Variants in COA8 observed in about 807,000 individuals in gnomAD.
COA8 encodes the protein UPF0671 protein C14orf153.
COA8 carries 20 observed loss-of-function variants against 22.0 expected under a neutral mutation model. The observed-to-expected ratio is 0.91, with a 90% CI of 0.64 to 1.32. The LOEUF is 1.32. Among genes scored for constraint, COA8 ranks in the 40% most tolerant of loss-of-function variants. COA8 has a pLI of 0.00. For synonymous variants in COA8, 105 were observed against 79.9 expected (o/e 1.31, Z -1.68); for missense variants, 266 against 230.0 (o/e 1.16, Z -1.01).
chr14:103,563,436 A>C (rs770297172), intron 1 of COA8: 4 of 500,106 alleles, frequency 8.0e-6, no homozygotes, highest in Admixed American at 3.1e-5. Flanking sequence ...ATTTTTAAAG[A>C]GCTCTTGGCT....
At position 103,581,734 on chromosome 14, in the gene COA8, A is replaced by G. The variant is rs1050264029; in HGVS notation, c.386-5540A>G. The G allele has an allele frequency of 1.3e-5, 5 of 397,692 alleles. No individual in the cohort carries two copies. The Admixed American group carries it at 2.2e-4, about 18-fold the overall frequency. The allele number at this position is 397,692 out of a possible 1,614,324, so 24.6% of individuals were successfully genotyped here. ...AAATGGCAGAACTGAAGGGAAAAGC[A>G]GAGCAGGGGGCTGTAGAGTTAAACT... On this transcript the variant is annotated intron_variant, in intron 3 of 4. Transcript: ENST00000409074. This position sits in a 1 kb window ranked among gnomAD's most constrained non-coding sequence, Gnocchi z 4.1.
intron 1 of COA8, among the ~76,000 whole-genome samples, chr14:103,569,601 C>T (rs1054147907): frequency 2.6e-5 from 4 of 152,144 alleles, no homozygotes; most frequent in African/African-American, 9.7e-5. Context: ...ACGGTTAGCG[C>T]GAAACCCACT....
At chr14:103,588,128 A>C (rs968340758) in intron 4 of COA8, 10 of 311,426 alleles carry the variant, frequency 3.2e-5, no homozygotes, top group Non-Finnish European at 4.1e-5. Context: ...AAAAAAAAAA[A>C]AAAAAAAAAA....
intron 4 of COA8, among the ~76,000 whole-genome samples, 200 bp from the exon 5 acceptor site, chr14:103,589,981 G>A (rs1033663144): frequency 1.3e-5 from 2 of 151,936 alleles, no homozygotes. Context: ...GACTCCAGGC[G>A]TCGCCAGTGG....
intron 3 of COA8, among the ~76,000 whole-genome samples, chr14:103,576,030 G>A (rs905172670): frequency 1.3e-5 from 2 of 151,900 alleles, no homozygotes; most frequent in Non-Finnish European, 2.9e-5. Context: ...AAGTCAGGCC[G>A]GGCGCGGTGG....
chr14:103,563,087 A>G lies in COA8; in HGVS notation c.86A>G (p.Glu29Gly). ...FACRGCQLAP[E>G]RGAERRDTAP... Reference sequence around the variant, plus strand: ...TGCCGCGGCTGTCAACTCGCTCCGGAGCGCGGCGCCGAGCGCAGGGATACG... The same window carrying G: ...TGCCGCGGCTGTCAACTCGCTCCGGGGCGCGGCGCCGAGCGCAGGGATACG... Residue 29 changes from glutamate (E) to glycine (G), a missense_variant, in exon 1 of 5, where the codon GAG (glutamate) becomes GGG (glycine). Coordinates refer to ENST00000409074, the MANE Select transcript of COA8 (RefSeq NM_001370595.2). 1.3e-6 allele frequency: 2 copies of G among 1,540,134 alleles called. No individual in the cohort carries two copies. The highest frequency in any genetic ancestry group is 1.7e-6 in the Non-Finnish European group (2 of 1,148,000).
intron 3 of COA8, among the ~76,000 whole-genome samples, chr14:103,583,396 C>T (rs896646192): frequency 2.6e-5 from 4 of 151,916 alleles, no homozygotes; most frequent in African/African-American, 9.7e-5. Context: ...AAAAAATTAG[C>T]TGGGTGTGGT....
chr14:103,589,267 G>A (rs187028953), intron 4 of COA8, among the ~76,000 whole-genome samples: 2 of 152,286 alleles, frequency 1.3e-5, no homozygotes, highest in East Asian at 1.9e-4. Context: ...ATGGGCTACC[G>A]GTTTTCTTCT....
chr14:103,575,255 A>G (rs2076222418), intron 3 of COA8, among the ~76,000 whole-genome samples: 1 of 152,236 alleles, frequency 6.6e-6, no homozygotes, highest in Non-Finnish European at 1.5e-5. Flanking sequence ...ATAGCTTGGA[A>G]GGGCTTTGGA....
chr14:103,588,116 C>CA (rs1221577064), intron 4 of COA8: 8,409 of 62,428 alleles, frequency 0.13, 170 homozygotes, highest in East Asian at 0.17. Context: ...AACTCCATCT[C>CA]AAAAAAAAAA....
chr14:103,583,944 G>A (rs1379660458), intron 3 of COA8, among the ~76,000 whole-genome samples: 1 of 152,200 alleles, frequency 6.6e-6, no homozygotes, highest in Non-Finnish European at 1.5e-5. Flanking sequence ...TACAACTCAG[G>A]GACAGCCAGA....
At chr14:103,587,176 T>C (rs1176448379) in intron 3 of COA8, 98 bp from the exon 4 acceptor site, 8 of 842,122 alleles carry the variant, frequency 9.5e-6, no homozygotes, top group Non-Finnish European at 1.5e-5. Context: ...GTCTTGTATA[T>C]ATCCTGCAAG....
chr14:103,570,133 A>G (rs1200331680), intron 1 of COA8, among the ~76,000 whole-genome samples: 1 of 152,140 alleles, frequency 6.6e-6, no homozygotes, highest in Non-Finnish European at 1.5e-5. Flanking sequence ...CTGGGATTAC[A>G]GGCGTGAGCC....
rs552550351 is a variant in COA8 at position 103,565,074 on chromosome 14, C to G, written c.123+1950C>G. The stretch of plus-strand genomic sequence containing the variant: ...GTTCAAGCAATTCTCCTGCCGCAGC[C>G]TCCTGAGTATAGCTGGGATCACAGG... On this transcript the variant is annotated intron_variant, in intron 1 of 4. Transcript: ENST00000409074. Among the ~76,000 whole-genome samples, 6 of 152,248 alleles carry G rather than the reference C, an allele frequency of 3.9e-5. No homozygotes were observed. The East Asian group carries it at 1.2e-3, about 29-fold the overall frequency.
intron 1 of COA8, chr14:103,563,352 G>C (rs563128992): frequency 1.4e-6 from 1 of 702,102 alleles, no homozygotes; most frequent in Admixed American, 2.0e-5. Flanking sequence ...TTGACAGCCA[G>C]AACCTTTAAG....
chr14:103,574,104 A>G lies in COA8; in HGVS notation c.322-3A>G. 1 of 1,028,786 alleles carries G rather than the reference A, an allele frequency of 9.7e-7. No individual in the cohort carries two copies. Among genetic ancestry groups the G allele is most frequent in the Non-Finnish European group, 1.3e-6 (1 of 768,540 alleles). 63.7% of individuals were successfully genotyped at this position (1,028,786 alleles called of 1,614,324 possible). A position where few individuals can be genotyped will look rare whatever the true frequency, so the allele number is the denominator to read the frequency against. On this transcript the variant is annotated splice_region_variant and splice_polypyrimidine_tract_variant and intron_variant, in intron 2 of 4. Coordinates refer to ENST00000409074, the MANE Select transcript of COA8 (RefSeq NM_001370595.2). ...TTTTTTTTTTTTTTTTTTTTTTTTTAAGGAAAAAGAAGAATTTATTCACTC... is the reference window on the plus strand; with the variant it reads ...TTTTTTTTTTTTTTTTTTTTTTTTTGAGGAAAAAGAAGAATTTATTCACTC...
At chr14:103,565,438 A>G (rs947560107) in intron 1 of COA8, among the ~76,000 whole-genome samples, 2 of 152,010 alleles carry the variant, frequency 1.3e-5, no homozygotes, top group Non-Finnish European at 1.5e-5. Context: ...TGTCTTACCT[A>G]TGTAGTTTGC....
intron 3 of COA8, among the ~76,000 whole-genome samples, chr14:103,584,076 C>T (rs1360877573): frequency 2.6e-5 from 4 of 152,088 alleles, no homozygotes; most frequent in Non-Finnish European, 1.5e-5. Context: ...CTCACTCTGT[C>T]GCCCAGGCTG....
chr14:103,573,805 G>A lies in COA8; in HGVS notation c.322-302G>A, dbSNP rs1049822865. ...TGACCTCAGGTGATCCACCCACCTC[G>A]TCCTCCCAAAGTGCTGGCATTATGG... On this transcript the variant is annotated intron_variant, in intron 2 of 4. Transcript: ENST00000409074. 2.0e-5 allele frequency among the ~76,000 whole-genome samples: 3 copies of A among 152,226 alleles called. No individual in the cohort carries two copies. In the South Asian group the frequency reaches 6.2e-4, roughly 32 times the overall value.
Sources: allele counts gnomAD v4.1 joint callset (sites outside exome capture counted in the v4.1 genomes callset), GRCh38; gene constraint gnomAD v4.1.1; non-coding constraint Gnocchi (gnomAD v3.1); transcripts MANE v1.5; gene names NCBI Gene and HGNC (gene_info 2026-07-23, HGNC 2026-07-21).